Variants in CAMK4 observed in about 807,000 individuals in gnomAD.
The protein encoded by CAMK4 is calcium/calmodulin dependent protein kinase IV.
A neutral mutation model predicts 44.9 loss-of-function variants in CAMK4; 22 were observed. The observed-to-expected ratio is 0.49, with a 90% CI of 0.35 to 0.70. The LOEUF is 0.70. Among genes scored for constraint, CAMK4 ranks in the 30% least tolerant of loss-of-function variants. The probability of loss-of-function intolerance (pLI) is 0.01; values close to 1 mark genes in which losing one functional copy is unlikely to be tolerated. For synonymous variants in CAMK4, 218 were observed against 215.4 expected (o/e 1.01, Z -0.11); for missense variants, 498 against 586.8 (o/e 0.85, Z 1.56).
At chr5:111,239,312 A>G (rs1748885431) in intron 1 of CAMK4, among the ~76,000 whole-genome samples, 1 of 151,746 alleles carries the variant, frequency 6.6e-6, no homozygotes, top group South Asian at 2.1e-4. Context: ...GTTTTATTGG[A>G]TTTTTTTTAA....
At chr5:111,384,538 A>G (rs548983493) in intron 4 of CAMK4, among the ~76,000 whole-genome samples, 2 of 152,286 alleles carry the variant, frequency 1.3e-5, no homozygotes, top group South Asian at 2.1e-4. Context: ...ACCAAGTCCC[A>G]TTAGCACCTC....
In CAMK4 at chr5:111,376,813, A is replaced by G. The variant is rs984096661; in HGVS notation, c.304-47A>G. The G allele has an allele frequency of 6.1e-6, 7 of 1,151,030 alleles. No homozygotes were observed. The Admixed American group carries it at 9.0e-5, about 15-fold the overall frequency. The allele number at this position is 1,151,030 out of a possible 1,614,324, so 71.3% of individuals were successfully genotyped here. The stretch of plus-strand genomic sequence containing the variant: ...ATAGTATTAGCTATTTCCAAGAAAG[A>G]TGGAATAAGAAATTTGTGATATTCT... On this transcript the variant is annotated intron_variant, in intron 3 of 10. Transcript: ENST00000282356.
At chr5:111,366,886 G>T (rs1217044373) in intron 2 of CAMK4, among the ~76,000 whole-genome samples, 2 of 151,678 alleles carry the variant, frequency 1.3e-5, no homozygotes, top group Non-Finnish European at 2.9e-5. Context: ...GCTTCAAAAA[G>T]TATATCAAAG....
At chr5:111,342,425 C>A (rs536825418) in intron 1 of CAMK4, among the ~76,000 whole-genome samples, 74 of 151,480 alleles carry the variant, frequency 4.9e-4, no homozygotes, top group African/African-American at 1.8e-3. Context: ...GCTGTTCCTG[C>A]TTTCTTATGG....
At chr5:111,286,761 A>T (rs1036051039) in intron 1 of CAMK4, among the ~76,000 whole-genome samples, 4 of 152,154 alleles carry the variant, frequency 2.6e-5, no homozygotes, top group Admixed American at 2.6e-4. Flanking sequence ...ATAGAACATA[A>T]AATTTTTGTC....
intron 1 of CAMK4, among the ~76,000 whole-genome samples, chr5:111,240,327 G>C (rs1209036762): frequency 6.6e-6 from 1 of 150,590 alleles, no homozygotes; most frequent in Non-Finnish European, 1.5e-5. Flanking sequence ...AAACCCATAA[G>C]TAGTAAGGAA....
chr5:111,451,251 T>A (rs567070757), intron 7 of CAMK4, among the ~76,000 whole-genome samples: 74,037 of 151,962 alleles, frequency 0.49, 18,227 homozygotes, highest in Middle Eastern at 0.58. Context: ...TAGGGAAATT[T>A]ATATATTTAT....
intron 8 of CAMK4, among the ~76,000 whole-genome samples, chr5:111,475,409 A>G (rs776451481): frequency 2.9e-4 from 44 of 152,260 alleles, no homozygotes; most frequent in Non-Finnish European, 5.4e-4. Context: ...TACCCAGAAA[A>G]ATTGGAATGT....
Position 111,489,134 on chromosome 5 carries a change from A to G in CAMK4, c.*4668A>G, listed in dbSNP as rs1424139188. The G allele has an allele frequency of 6.6e-6, 1 of 152,214 alleles. No individual in the cohort carries two copies. The highest frequency in any genetic ancestry group is 1.5e-5 in the Non-Finnish European group (1 of 68,036). The allele number at this position is 152,214 out of a possible 1,614,324, so 9.4% of individuals were successfully genotyped here. On this transcript the variant is annotated 3_prime_UTR_variant, in exon 11 of 11. Transcript: ENST00000282356. ...CATGTTATTTCACTATTGGTATTACAATATTCATAACCACATGATAAACAG... is the reference window on the plus strand; with the variant it reads ...CATGTTATTTCACTATTGGTATTACGATATTCATAACCACATGATAAACAG...
chr5:111,238,653 C>T (rs756059884), intron 1 of CAMK4, among the ~76,000 whole-genome samples: 9 of 150,788 alleles, frequency 6.0e-5, no homozygotes, highest in Non-Finnish European at 1.2e-4. Flanking sequence ...ACCTGTCTGA[C>T]GTCGCAGTTT....
intron 2 of CAMK4, among the ~76,000 whole-genome samples, chr5:111,353,443 A>G (rs2112776659): frequency 1.3e-5 from 2 of 152,224 alleles, no homozygotes; most frequent in African/African-American, 4.8e-5. Flanking sequence ...TGTTATTATC[A>G]TCCTCCAAGG....
chr5:111,229,291 G>A (rs1009882598), intron 1 of CAMK4, among the ~76,000 whole-genome samples: 7 of 152,122 alleles, frequency 4.6e-5, no homozygotes, highest in African/African-American at 1.7e-4. Flanking sequence ...CTGCCTTCTC[G>A]CTGTGTCGTC....
intron 5 of CAMK4, among the ~76,000 whole-genome samples, chr5:111,432,838 A>G (rs1484474267): frequency 6.6e-6 from 1 of 151,970 alleles, no homozygotes; most frequent in Non-Finnish European, 1.5e-5. Context: ...CTCCTTTCAT[A>G]TATTATTTTT....
At chr5:111,267,895 G>A (rs7714034) in intron 1 of CAMK4, among the ~76,000 whole-genome samples, 39,375 of 151,944 alleles carry the variant, frequency 0.26, 5,980 homozygotes, top group African/African-American at 0.42. Context: ...AATTGATTTG[G>A]AAAGTTACAG....
intron 1 of CAMK4, among the ~76,000 whole-genome samples, chr5:111,312,045 CT>C (rs1488987288): frequency 2.6e-5 from 4 of 152,052 alleles, no homozygotes; most frequent in Admixed American, 2.0e-4. Context: ...GTCCTTTTTT[CT>C]TTGAAGGAAA....
chr5:111,233,731 CCTT>C (rs1185153874), intron 1 of CAMK4, among the ~76,000 whole-genome samples: 3 of 151,930 alleles, frequency 2.0e-5, no homozygotes, highest in African/African-American at 7.3e-5. Flanking sequence ...GTTGAATAAT[CCTT>C]CTATATGCTA....
At chr5:111,436,315 A>T (rs1753645554) in intron 5 of CAMK4, among the ~76,000 whole-genome samples, 1 of 152,152 alleles carries the variant, frequency 6.6e-6, no homozygotes, top group Non-Finnish European at 1.5e-5. Context: ...GAAAATATCC[A>T]TGTTTCTCCA....
At chr5:111,438,964 C>T (rs1425538394) in intron 5 of CAMK4, among the ~76,000 whole-genome samples, 3 of 152,326 alleles carry the variant, frequency 2.0e-5, no homozygotes, top group African/African-American at 7.2e-5. Context: ...GTCTGCATCC[C>T]ACCTGACCAC....
At chr5:111,453,353 T>C (rs986902056) in intron 7 of CAMK4, among the ~76,000 whole-genome samples, 1 of 152,234 alleles carries the variant, frequency 6.6e-6, no homozygotes, top group African/African-American at 2.4e-5. Context: ...ATTTGTTTCA[T>C]CTATCTTATA....
Sources: allele counts gnomAD v4.1 joint callset (sites outside exome capture counted in the v4.1 genomes callset), GRCh38; gene constraint gnomAD v4.1.1; transcripts MANE v1.5; gene names NCBI Gene and HGNC (gene_info 2026-07-23, HGNC 2026-07-21).